Variants in SUCLG2 observed in about 807,000 individuals in gnomAD.
SUCLG2 encodes the protein succinate--CoA ligase [GDP-forming] subunit beta, mitochondrial.
In SUCLG2, 42 loss-of-function variants were observed where a neutral mutation model predicts 47.9. The observed-to-expected ratio is 0.88, with a 90% CI of 0.69 to 1.14. The LOEUF is 1.14. SUCLG2 is among the 50% of genes most tolerant of loss of function. SUCLG2 has a pLI of 0.00. For synonymous variants in SUCLG2, 195 were observed against 197.3 expected (o/e 0.99, Z 0.10); for missense variants, 571 against 525.9 (o/e 1.09, Z -0.84).
chr3:67,376,032 A>G (rs535625222), intron 10 of SUCLG2, 173 bp from the exon 11 acceptor site: 2 of 985,462 alleles, frequency 2.0e-6, no homozygotes, highest in East Asian at 2.3e-4. Flanking sequence ...AATTTATCTC[A>G]AGCTGTGGTC....
chr3:67,584,862 C>T (rs1323814045), intron 2 of SUCLG2, among the ~76,000 whole-genome samples: 2 of 152,106 alleles, frequency 1.3e-5, no homozygotes, highest in Non-Finnish European at 2.9e-5. Flanking sequence ...CGAACTCACT[C>T]ACTATCACAA....
At chr3:67,498,421 C>G in intron 7 of SUCLG2, 126 bp from the exon 8 acceptor site, 1 of 1,023,530 alleles carries the variant, frequency 9.8e-7, no homozygotes, top group South Asian at 1.8e-5. Context: ...ATGTTACAGG[C>G]AGGAGAGGCT....
At chr3:67,388,236 C>G (rs1702301707) in intron 10 of SUCLG2, among the ~76,000 whole-genome samples, 1 of 152,192 alleles carries the variant, frequency 6.6e-6, no homozygotes, top group Non-Finnish European at 1.5e-5. Context: ...AGTGACCCTT[C>G]TTAGCCACTA....
At chr3:67,361,800 A>G (rs74483728) in intron 10 of SUCLG2, among the ~76,000 whole-genome samples, 12,675 of 152,190 alleles carry the variant, frequency 0.083, 669 homozygotes, top group Middle Eastern at 0.14. Flanking sequence ...TGCTTTGGCT[A>G]ATAGAATTTT....
chr3:67,411,104 G>A (rs962057794), intron 9 of SUCLG2, among the ~76,000 whole-genome samples: 3 of 152,064 alleles, frequency 2.0e-5, no homozygotes, highest in African/African-American at 7.2e-5. Flanking sequence ...TCTATAAACA[G>A]GATGTCTACC....
intron 9 of SUCLG2, among the ~76,000 whole-genome samples, chr3:67,448,473 C>T (rs1296042596): frequency 6.6e-6 from 1 of 152,138 alleles, no homozygotes; most frequent in Non-Finnish European, 1.5e-5. Flanking sequence ...GCAACCTCTG[C>T]TCCCGGGTTC....
At chr3:67,476,756 A>G (rs776384231) in intron 9 of SUCLG2, among the ~76,000 whole-genome samples, 5 of 152,190 alleles carry the variant, frequency 3.3e-5, no homozygotes, top group Non-Finnish European at 7.3e-5. Flanking sequence ...CAATGTAGCT[A>G]CCAGGCTAGG....
downstream of SUCLG2, among the ~76,000 whole-genome samples, chr3:67,374,209 A>C (rs1360705965): frequency 6.6e-6 from 1 of 152,204 alleles, no homozygotes; most frequent in Non-Finnish European, 1.5e-5. Flanking sequence ...TTGCATGGGC[A>C]TTAAGAAAGG....
chr3:67,499,720 G>A (rs568563244), intron 7 of SUCLG2, among the ~76,000 whole-genome samples: 7 of 150,858 alleles, frequency 4.6e-5, no homozygotes, highest in African/African-American at 1.7e-4. Flanking sequence ...TTGTTTGTTT[G>A]TTTATTTATT....
intron 9 of SUCLG2, chr3:67,408,849 A>C (rs1204485965): frequency 9.8e-6 from 14 of 1,427,076 alleles, no homozygotes; most frequent in Non-Finnish European, 1.3e-5. Flanking sequence ...CAAGATTTAA[A>C]TTAAGGCGGT....
intron 10 of SUCLG2, among the ~76,000 whole-genome samples, chr3:67,389,701 G>GT (rs200472805): frequency 0.019 from 2,863 of 147,422 alleles, 60 homozygotes; most frequent in East Asian, 0.09. Context: ...GGTTCCTTCT[G>GT]TTTTTTTTTT....
At chr3:67,507,989 T>C (rs1168298282) in intron 7 of SUCLG2, among the ~76,000 whole-genome samples, 1 of 152,256 alleles carries the variant, frequency 6.6e-6, no homozygotes, top group Non-Finnish European at 1.5e-5. Flanking sequence ...GCTTTTGCTA[T>C]CAAATTAATA....
At chr3:67,573,820 CCATT>C (rs1242904386) in intron 2 of SUCLG2, among the ~76,000 whole-genome samples, 2 of 152,098 alleles carry the variant, frequency 1.3e-5, no homozygotes, top group Non-Finnish European at 2.9e-5. Flanking sequence ...GTCTTACTCA[CCATT>C]CAAATTGTCT....
intron 6 of SUCLG2, chr3:67,514,172 C>T (rs1705877793): frequency 3.2e-6 from 1 of 313,758 alleles, no homozygotes; most frequent in East Asian, 8.1e-5. Context: ...AATGTCTATC[C>T]TAATTTCACC....
At chr3:67,651,251 A>C (rs1211591533) in intron 1 of SUCLG2, among the ~76,000 whole-genome samples, 3 of 151,494 alleles carry the variant, frequency 2.0e-5, no homozygotes, top group Non-Finnish European at 2.9e-5. Flanking sequence ...AACCCCTGAA[A>C]CCTCCTTAGC....
At chr3:67,385,799 A>T (rs1205106230) in intron 10 of SUCLG2, among the ~76,000 whole-genome samples, 1 of 152,156 alleles carries the variant, frequency 6.6e-6, no homozygotes, top group East Asian at 1.9e-4. Flanking sequence ...TTTATTTCTT[A>T]CTGGGATCAG....
chr3:67,524,536 C>T (rs1363635127), intron 4 of SUCLG2, among the ~76,000 whole-genome samples: 3 of 152,300 alleles, frequency 2.0e-5, no homozygotes, highest in East Asian at 1.9e-4. Flanking sequence ...CCCAGGAATA[C>T]ATAACACATT....
chr3:67,542,722 A>C (rs1380403234), intron 2 of SUCLG2, among the ~76,000 whole-genome samples: 2 of 152,222 alleles, frequency 1.3e-5, no homozygotes, highest in African/African-American at 4.8e-5. Flanking sequence ...AAAAGAGACA[A>C]AGAAGGGCAT....
intron 9 of SUCLG2, among the ~76,000 whole-genome samples, chr3:67,412,933 G>A (rs934192660): frequency 2.6e-5 from 4 of 152,052 alleles, no homozygotes; most frequent in African/African-American, 9.7e-5. Context: ...TTCTAGAACT[G>A]GAAGGTTAAC....
Sources: allele counts gnomAD v4.1 joint callset (sites outside exome capture counted in the v4.1 genomes callset), GRCh38; gene constraint gnomAD v4.1.1; transcripts MANE v1.5; gene names NCBI Gene and HGNC (gene_info 2026-07-23, HGNC 2026-07-21).